The following KCNK10 variants were observed in gnomAD, a reference collection of about 807,000 sequenced individuals.
The protein encoded by KCNK10 is potassium channel subfamily K member 10.
Under a neutral mutation model 47.7 loss-of-function variants are expected in KCNK10, and 25 were observed. The ratio of observed to expected loss-of-function variants is 0.52; its 90% CI spans 0.38 to 0.73. KCNK10 has a LOEUF of 0.73. Ranked by LOEUF, KCNK10 falls within the 30% of genes least tolerant of loss-of-function variation. The pLI is 0.00. For synonymous variants in KCNK10, 303 were observed against 285.6 expected, an observed-to-expected ratio of 1.06 and a Z score of -0.61; for missense variants, 563 against 714.5, an observed-to-expected ratio of 0.79 and a Z score of 2.42.
intron 1 of KCNK10, among the ~76,000 whole-genome samples, chr14:88,285,064 A>C (rs768269941): frequency 6.6e-6 from 1 of 152,186 alleles, no homozygotes; most frequent in Non-Finnish European, 1.5e-5. Context: ...ATGCTAACTA[A>C]ATAAGTTTGC....
intron 1 of KCNK10, among the ~76,000 whole-genome samples, chr14:88,278,615 G>A (rs35194402): frequency 0.16 from 24,665 of 152,064 alleles, 2,261 homozygotes; most frequent in East Asian, 0.42. Flanking sequence ...GAGAAAAACC[G>A]TTTTCCTAGA....
At position 88,182,013 on chromosome 14, in the gene KCNK10, A is replaced by T. The variant is rs1284813290; in HGVS notation, c.*3522T>A. 6.6e-6 allele frequency: 1 copy of T among 151,052 alleles called. No individual in the cohort carries two copies. The allele number at this position is 151,052 out of a possible 1,614,324, so 9.4% of individuals were successfully genotyped here. ...TAGTTACCTTAGTAACAGGCCAGAG[A>T]TGGCCCAACACCACCCCAACCCGCA... On this transcript the variant is annotated 3_prime_UTR_variant, in exon 7 of 7. Transcript: ENST00000319231.
chr14:88,243,683 AT>A (rs1886543487), intron 2 of KCNK10, among the ~76,000 whole-genome samples: 1 of 152,166 alleles, frequency 6.6e-6, no homozygotes, highest in Non-Finnish European at 1.5e-5. Flanking sequence ...GAATAAATTA[AT>A]TAAAGTAGGA....
At chr14:88,304,496 G>T (rs535368619) in intron 1 of KCNK10, among the ~76,000 whole-genome samples, 1 of 152,226 alleles carries the variant, frequency 6.6e-6, no homozygotes, top group South Asian at 2.1e-4. Flanking sequence ...GCAGTCATTC[G>T]CAGTCATGCA....
chr14:88,326,478 C>T (rs1199962774), upstream of KCNK10: 15 of 1,608,162 alleles, frequency 9.3e-6, no homozygotes, highest in Non-Finnish European at 1.2e-5. Flanking sequence ...CCGCTCCAAG[C>T]GGTTCTGTCT....
chr14:88,291,712 G>A (rs116103008), intron 1 of KCNK10, among the ~76,000 whole-genome samples: 1 of 152,178 alleles, frequency 6.6e-6, no homozygotes. Flanking sequence ...ATGCCCTCTG[G>A]AGGTGTGCAA....
intron 4 of KCNK10, among the ~76,000 whole-genome samples, chr14:88,193,069 C>CTGTG (rs1884802066): frequency 6.6e-6 from 1 of 152,178 alleles, no homozygotes; most frequent in South Asian, 2.1e-4. Flanking sequence ...TGAGCTGGTG[C>CTGTG]TGTGATCATC....
chr14:88,185,784 C>G lies in KCNK10; in HGVS notation c.1383G>C (p.Arg461Ser). The change falls in exon 7 of 7, where the codon AGG becomes AGC. Residue 461 changes from arginine to serine, a missense_variant. Arg to Ser is a moderately radical substitution (Grantham distance 110). Coordinates refer to ENST00000319231, the MANE Select transcript of KCNK10 (RefSeq NM_138317.3). This position sits in a 1 kb window ranked among gnomAD's most constrained non-coding sequence, Gnocchi z 4.3. ...KFGSTSRLTKRKNKDLKKTLP... is the reference protein window; with the variant it reads ...KFGSTSRLTKSKNKDLKKTLP... ...AGGTCTTTTTGAGGTCCTTGTTTTTCCTCTTGGTGAGTCTGGAGGTGGACC... is the reference window on the plus strand; with the variant it reads ...AGGTCTTTTTGAGGTCCTTGTTTTTGCTCTTGGTGAGTCTGGAGGTGGACC... The G allele has an allele frequency of 6.2e-7, 1 of 1,614,120 alleles. No individual in the cohort carries two copies. The highest frequency in any genetic ancestry group is 2.2e-5 in the East Asian group (1 of 44,886).
intron 4 of KCNK10, among the ~76,000 whole-genome samples, chr14:88,226,742 G>A (rs1885998529): frequency 6.6e-6 from 1 of 152,134 alleles, no homozygotes; most frequent in Non-Finnish European, 1.5e-5. Flanking sequence ...TCCTTGAGTT[G>A]AGATAGTTGT....
At chr14:88,309,237 T>C (rs911253445) in intron 1 of KCNK10, among the ~76,000 whole-genome samples, 4 of 152,230 alleles carry the variant, frequency 2.6e-5, no homozygotes, top group Admixed American at 6.5e-5. Flanking sequence ...TCAGAACCGA[T>C]ATGCTCCAGA....
At chr14:88,264,693 A>T (rs1330278103) in intron 1 of KCNK10, among the ~76,000 whole-genome samples, 1 of 152,222 alleles carries the variant, frequency 6.6e-6, no homozygotes, top group African/African-American at 2.4e-5. Context: ...GCTGAACGTC[A>T]GTCTTTTATG....
intron 1 of KCNK10, among the ~76,000 whole-genome samples, chr14:88,284,616 C>T (rs1408763528): frequency 6.6e-6 from 1 of 152,144 alleles, no homozygotes; most frequent in African/African-American, 2.4e-5. Context: ...GCATCCAGCA[C>T]GGGAGAAAGA....
chr14:88,211,054 C>A (rs1410599675), intron 4 of KCNK10, among the ~76,000 whole-genome samples: 3 of 152,064 alleles, frequency 2.0e-5, no homozygotes, highest in Admixed American at 6.6e-5. Flanking sequence ...GTTTATACAC[C>A]CATGTTCATA....
intron 4 of KCNK10, among the ~76,000 whole-genome samples, chr14:88,211,932 G>A (rs1885471635): frequency 6.6e-6 from 1 of 151,050 alleles, no homozygotes; most frequent in Non-Finnish European, 1.5e-5. Flanking sequence ...CAATGACTAT[G>A]GCCAGGATGA....
intron 3 of KCNK10, chr14:88,234,877 G>T (rs1886256637): frequency 9.9e-6 from 3 of 302,246 alleles, no homozygotes; most frequent in Non-Finnish European, 1.3e-5. Flanking sequence ...AGCGGAGATT[G>T]GACAGAAGCC....
chr14:88,312,982 G>T (rs975889599), intron 1 of KCNK10, among the ~76,000 whole-genome samples: 4 of 152,166 alleles, frequency 2.6e-5, no homozygotes, highest in African/African-American at 9.7e-5. Context: ...AGTAGAAAAT[G>T]CAGGCTTAAA....
chr14:88,235,939 A>G (rs577241527), intron 3 of KCNK10, among the ~76,000 whole-genome samples: 15 of 152,254 alleles, frequency 9.9e-5, no homozygotes, highest in Admixed American at 2.6e-4. Context: ...AAAAGTGGGG[A>G]AAAAAAGGCT....
At chr14:88,246,852 G>C (rs1258902403) in intron 2 of KCNK10, among the ~76,000 whole-genome samples, 2 of 152,204 alleles carry the variant, frequency 1.3e-5, no homozygotes, top group Non-Finnish European at 2.9e-5. Flanking sequence ...CAAGGTTGTT[G>C]TCAGAGTTGT....
At chr14:88,209,273 G>C (rs1040244432) in intron 4 of KCNK10, among the ~76,000 whole-genome samples, 1 of 152,134 alleles carries the variant, frequency 6.6e-6, no homozygotes, top group African/African-American at 2.4e-5. Context: ...GTAAGAGCAC[G>C]GGCAAGCTGA....
Sources: allele counts gnomAD v4.1 joint callset (sites outside exome capture counted in the v4.1 genomes callset), GRCh38; gene constraint gnomAD v4.1.1; non-coding constraint Gnocchi (gnomAD v3.1); transcripts MANE v1.5; gene names NCBI Gene and HGNC (gene_info 2026-07-23, HGNC 2026-07-21).